Variants in MBTPS1 observed in about 807,000 individuals in gnomAD.
MBTPS1 encodes membrane-bound transcription factor site-1 protease.
MBTPS1 carries 94 observed loss-of-function variants against 127.8 expected under a neutral mutation model. The observed-to-expected ratio is 0.74, with a 90% CI of 0.62 to 0.87. The LOEUF (loss-of-function observed/expected upper bound fraction) is 0.87. MBTPS1 is among the 40% of genes least tolerant of loss of function. MBTPS1 has a pLI of 0.00. For missense variants in MBTPS1, 1,636 were observed against 1,353.2 expected (o/e 1.21, Z -3.28); for synonymous variants, 632 against 509.4 (o/e 1.24, Z -3.24).
rs2086440084 is a variant in MBTPS1, at chr16:84,114,326, A to G, written c.-325+2409T>C. On this transcript the variant is annotated intron_variant, in intron 1 of 22. Transcript: ENST00000343411. ...CCATTTATTCTGGCACACTCCATCC[A>G]TCAGGTGGTCTTGTATTAAAAAGAA... Among the ~76,000 whole-genome samples, 4 of 152,096 alleles carry G rather than the reference A, an allele frequency of 2.6e-5. No homozygotes were observed. In the South Asian group the frequency reaches 6.2e-4, roughly 24 times the overall value.
rs114202059 is a variant in MBTPS1, at chr16:84,093,445, C to T, written c.737-148G>A. 452 of 660,868 alleles carry T rather than the reference C, an allele frequency of 6.8e-4. 1 individual carries two copies. The African/African-American group carries it at 7.0e-3, about 10-fold the overall frequency. 40.9% of individuals were successfully genotyped at this position (660,868 alleles called of 1,614,324 possible). Reference sequence around the variant, plus strand: ...GCTGCTGCTCTACGATCCCCTTAGACGTCACTGGCACAAGCACCCCTTCCA... The same window carrying T: ...GCTGCTGCTCTACGATCCCCTTAGATGTCACTGGCACAAGCACCCCTTCCA... On this transcript the variant is annotated intron_variant, in intron 5 of 22. Coordinates refer to ENST00000343411, the MANE Select transcript of MBTPS1 (RefSeq NM_003791.4).
chr16:84,083,547 TC>T (rs2085973220), intron 10 of MBTPS1, among the ~76,000 whole-genome samples: 1 of 151,982 alleles, frequency 6.6e-6, no homozygotes, highest in Non-Finnish European at 1.5e-5. Flanking sequence ...TGCCTTGGCC[TC>T]CCAAAGTGCT....
At chr16:84,085,329 G>A (rs184167901) in intron 9 of MBTPS1, among the ~76,000 whole-genome samples, 195 bp from the exon 10 acceptor site, 80 of 152,302 alleles carry the variant, frequency 5.3e-4, no homozygotes, top group East Asian at 3.9e-4. Context: ...CACTCTGGGA[G>A]GCCGAGGCAG....
chr16:84,060,877 G>C, intron 19 of MBTPS1, 64 bp from the exon 20 acceptor site: 1 of 1,484,448 alleles, frequency 6.7e-7, no homozygotes, highest in Admixed American at 2.0e-5. Flanking sequence ...TCACGCTCTT[G>C]TCACCCAGTG....
chr16:84,087,604 A>G (rs1372566673), intron 8 of MBTPS1, 144 bp from the exon 9 acceptor site: 3 of 601,002 alleles, frequency 5.0e-6, no homozygotes, highest in Non-Finnish European at 8.8e-6. Flanking sequence ...AGACGTGTGC[A>G]GCTCCTCACG....
chr16:84,074,555 G>C (rs1597319813), intron 12 of MBTPS1, 42 bp downstream of exon 12: 1 of 1,601,736 alleles, frequency 6.2e-7, no homozygotes. Flanking sequence ...CTGTGTCTAA[G>C]TTCACCATCA....
rs1597354068 is a variant in MBTPS1 at position 84,107,402 on chromosome 16, T to A, written c.-324-5295A>T. ...TGGGGATGAATGATAAGGCTGGAAA[T>A]GACAGGGACAAGGACACACCCCCTT... On this transcript the variant is annotated intron_variant, in intron 1 of 22. Coordinates refer to ENST00000343411, the MANE Select transcript of MBTPS1 (RefSeq NM_003791.4). 2.0e-5 allele frequency among the ~76,000 whole-genome samples: 3 copies of A among 152,074 alleles called. 1 individual carries two copies. The East Asian group carries it at 5.8e-4, about 29-fold the overall frequency.
chr16:84,105,852 C>A (rs1008590079), intron 1 of MBTPS1, among the ~76,000 whole-genome samples: 2 of 152,182 alleles, frequency 1.3e-5, no homozygotes, highest in African/African-American at 4.8e-5. Flanking sequence ...AAGCCAGGCA[C>A]TGTTCTAGGA....
chr16:84,059,259 C>G, intron 21 of MBTPS1, 43 bp downstream of exon 21: 1 of 1,582,648 alleles, frequency 6.3e-7, no homozygotes, highest in Non-Finnish European at 8.6e-7. Flanking sequence ...CAATGACTCA[C>G]AAGCCCCGTG....
intron 11 of MBTPS1, among the ~76,000 whole-genome samples, chr16:84,077,952 A>C (rs1324704321): frequency 6.6e-6 from 1 of 152,210 alleles, no homozygotes; most frequent in Admixed American, 6.5e-5. Flanking sequence ...AAAAGCTCTT[A>C]AACATGGACT....
chr16:84,083,312 AAAC>A (rs1424294116), intron 10 of MBTPS1, among the ~76,000 whole-genome samples: 1 of 152,208 alleles, frequency 6.6e-6, no homozygotes, highest in Non-Finnish European at 1.5e-5. Context: ...GGAGAGAGGA[AAAC>A]AACGGCAAGA....
intron 13 of MBTPS1, 77 bp from the exon 14 acceptor site, chr16:84,070,115 AT>A: frequency 2.5e-6 from 3 of 1,219,696 alleles, no homozygotes; most frequent in Non-Finnish European, 3.4e-6. Context: ...CATCATTTCT[AT>A]TTATCAACTT....
Position 84,067,653 on chromosome 16 carries a change from C to T in MBTPS1, c.2228+14G>A, listed in dbSNP as rs767376751. On this transcript the variant is annotated intron_variant, in intron 16 of 22. Coordinates refer to ENST00000343411, the MANE Select transcript of MBTPS1 (RefSeq NM_003791.4). ...CAAAAGTCTTATCCAAATACCAATG[C>T]GTATCAACAGTACCTTGTGTTTTCA... 4.4e-6 allele frequency: 7 copies of T among 1,587,346 alleles called. No individual in the cohort carries two copies. The highest frequency in any genetic ancestry group is 4.5e-5 in the East Asian group (2 of 44,292).
At chr16:84,078,696 A>G (rs2085895692) in intron 11 of MBTPS1, among the ~76,000 whole-genome samples, 1 of 152,250 alleles carries the variant, frequency 6.6e-6, no homozygotes, top group Non-Finnish European at 1.5e-5. Context: ...TTGTACATTC[A>G]CAGGATACGG....
intron 21 of MBTPS1, among the ~76,000 whole-genome samples, chr16:84,058,295 C>T (rs949125218): frequency 4.6e-5 from 7 of 152,240 alleles, no homozygotes; most frequent in African/African-American, 1.4e-4. Flanking sequence ...CACCTTCACA[C>T]GGGCACTCTC....
intron 16 of MBTPS1, among the ~76,000 whole-genome samples, chr16:84,067,388 T>C (rs1310307564): frequency 6.6e-6 from 1 of 152,236 alleles, no homozygotes; most frequent in Non-Finnish European, 1.5e-5. Context: ...AGGGTCTCTC[T>C]GACACCCAGG....
chr16:84,085,117 G>T lies in MBTPS1; in HGVS notation c.1152C>A (p.Tyr384Ter). The T allele has an allele frequency of 6.2e-7, 1 of 1,614,144 alleles. No individual in the cohort carries two copies. The highest frequency in any genetic ancestry group is 8.5e-7 in the Non-Finnish European group (1 of 1,180,022). ...GMTTWELPGG[Y>*]GRMKPDIVTY... Reference sequence around the variant, plus strand: ...TGACAATGTCAGGTTTCATGCGACCGTAGCCTCCTGGTAGCTCCTATGAAT... The same window carrying T: ...TGACAATGTCAGGTTTCATGCGACCTTAGCCTCCTGGTAGCTCCTATGAAT... The change falls in exon 10 of 23, where the codon TAC becomes TAA. Residue 384 changes from tyrosine (Y) to a stop codon, truncating the protein, a stop_gained. Transcript: ENST00000343411. LOFTEE classifies it high-confidence loss of function.
At chr16:84,093,132 G>A (rs2151163646) in intron 6 of MBTPS1, 56 bp downstream of exon 6, 1 of 1,165,482 alleles carries the variant, frequency 8.6e-7, no homozygotes, top group East Asian at 2.3e-5. Flanking sequence ...CAGTGATTCT[G>A]CTTTTTACAT....
chr16:84,105,635 G>T (rs368283284), intron 1 of MBTPS1, among the ~76,000 whole-genome samples: 1 of 152,202 alleles, frequency 6.6e-6, no homozygotes, highest in African/African-American at 2.4e-5. Context: ...AGCCTGAGGA[G>T]GGAGGCAAGG....
Sources: gnomAD v4.1 joint callset for allele counts (sites outside exome capture counted in the v4.1 genomes callset) on GRCh38, gnomAD v4.1.1 for gene constraint, MANE v1.5 for transcripts, NCBI Gene and HGNC (gene_info 2026-07-23, HGNC 2026-07-21) for gene names.